Variants in LY86 observed in about 807,000 individuals in gnomAD.
The protein encoded by LY86 is lymphocyte antigen 86, also known as MD-1, RP105-associated.
In LY86, 20 loss-of-function variants were observed where a neutral mutation model predicts 17.3. The observed-to-expected ratio is 1.15, with a 90% CI of 0.81 to 1.68. The LOEUF is 1.68. Among genes scored for constraint, LY86 ranks in the 40% most tolerant of loss-of-function variants. The pLI is 0.00. For missense variants in LY86, 200 were observed against 191.9 expected (o/e 1.04, Z -0.25); for synonymous variants, 74 against 70.6 (o/e 1.05, Z -0.24).
intron 1 of LY86, among the ~76,000 whole-genome samples, chr6:6,603,698 C>T (rs1457240868): frequency 2.0e-5 from 3 of 149,726 alleles, no homozygotes; most frequent in South Asian, 2.1e-4. Context: ...CCACAGAAAA[C>T]GTGTCAATGT....
chr6:6,627,484 C>T (rs578130285), intron 3 of LY86, among the ~76,000 whole-genome samples: 1 of 152,200 alleles, frequency 6.6e-6, no homozygotes, highest in East Asian at 1.9e-4. Context: ...CCCTCGCCAT[C>T]CCTCCCGAGT....
chr6:6,612,504 T>A (rs939761130), intron 1 of LY86, among the ~76,000 whole-genome samples: 2 of 142,512 alleles, frequency 1.4e-5, no homozygotes, highest in Non-Finnish European at 3.0e-5. Context: ...CAAAAACACT[T>A]ACTGCAAAAA....
At chr6:6,588,956 G>T in intron 1 of LY86, 86 bp downstream of exon 1, 1 of 1,451,086 alleles carries the variant, frequency 6.9e-7, no homozygotes, top group South Asian at 1.3e-5. Context: ...TGGAGTTGGG[G>T]TGGGAGGGGA....
At chr6:6,632,233 G>C (rs960457519) in intron 3 of LY86, among the ~76,000 whole-genome samples, 1 of 152,204 alleles carries the variant, frequency 6.6e-6, no homozygotes, top group African/African-American at 2.4e-5. Context: ...AGTGGCAGCT[G>C]GCAGGAGGAA....
At chr6:6,626,468 T>G (rs753511892) in intron 3 of LY86, 47 bp downstream of exon 3, 3 of 1,606,004 alleles carry the variant, frequency 1.9e-6, no homozygotes, top group South Asian at 1.1e-5. Context: ...TGCAGAGAGA[T>G]AAACTCGAAC....
At chr6:6,607,306 T>C (rs776522317) in intron 1 of LY86, among the ~76,000 whole-genome samples, 5 of 152,212 alleles carry the variant, frequency 3.3e-5, no homozygotes, top group Non-Finnish European at 2.9e-5. Context: ...GATGGGAAAT[T>C]CACTGTCATG....
chr6:6,647,582 T>G (rs901470951), intron 3 of LY86, among the ~76,000 whole-genome samples: 26 of 152,186 alleles, frequency 1.7e-4, no homozygotes, highest in Non-Finnish European at 3.4e-4. Context: ...ACTCAGACTC[T>G]CAGCAGCAGC....
chr6:6,639,426 C>A (rs1453773490), intron 3 of LY86, among the ~76,000 whole-genome samples: 1 of 152,226 alleles, frequency 6.6e-6, no homozygotes, highest in Non-Finnish European at 1.5e-5. Context: ...TGTAACAAAT[C>A]ACCATAAACG....
intron 1 of LY86, among the ~76,000 whole-genome samples, chr6:6,612,737 C>T (rs1761417282): frequency 6.6e-6 from 1 of 152,194 alleles, no homozygotes; most frequent in Admixed American, 6.5e-5. Context: ...CAAAAGTTCT[C>T]CAGTTCCCCA....
chr6:6,606,456 C>T (rs1411540250), intron 1 of LY86, among the ~76,000 whole-genome samples: 1 of 152,210 alleles, frequency 6.6e-6, no homozygotes, highest in African/African-American at 2.4e-5. Context: ...CCTGCCAGTC[C>T]CACACCGCGC....
chr6:6,612,119 A>T (rs1217697727), intron 1 of LY86, among the ~76,000 whole-genome samples: 1 of 152,210 alleles, frequency 6.6e-6, no homozygotes, highest in East Asian at 1.9e-4. Context: ...TATTTCCAAA[A>T]ATCAGCTCAA....
chr6:6,593,462 T>C (rs9502478), intron 1 of LY86, among the ~76,000 whole-genome samples: 112,644 of 152,146 alleles, frequency 0.74, 42,884 homozygotes, highest in Non-Finnish European at 0.83. Context: ...GTAGACATCT[T>C]TGGGGACCAT....
intron 1 of LY86, among the ~76,000 whole-genome samples, chr6:6,605,041 A>AT (rs1554123726): frequency 7.4e-6 from 1 of 134,294 alleles, no homozygotes; most frequent in Non-Finnish European, 1.7e-5. Flanking sequence ...AGAAAAAAAA[A>AT]TCTAGAGTGT....
chr6:6,591,643 G>T (rs551207870), intron 1 of LY86, among the ~76,000 whole-genome samples: 2 of 152,200 alleles, frequency 1.3e-5, no homozygotes, highest in African/African-American at 4.8e-5. Flanking sequence ...TATGACTAGT[G>T]AACTTTTCCA....
intron 2 of LY86, among the ~76,000 whole-genome samples, chr6:6,626,025 A>T (rs897929964): frequency 6.6e-6 from 1 of 152,216 alleles, no homozygotes; most frequent in Non-Finnish European, 1.5e-5. Flanking sequence ...AGGCCATAGC[A>T]TCAGGGTGGG....
chr6:6,653,171 T>C (rs1042915664), intron 4 of LY86, among the ~76,000 whole-genome samples: 7 of 152,216 alleles, frequency 4.6e-5, no homozygotes, highest in African/African-American at 1.7e-4. Flanking sequence ...AGCCTGGTTC[T>C]CTTGAATACA....
chr6:6,626,555 T>C (rs1761792927), intron 3 of LY86, 134 bp downstream of exon 3: 1 of 914,620 alleles, frequency 1.1e-6, no homozygotes, highest in African/African-American at 1.7e-5. Flanking sequence ...TCCTCACTTA[T>C]CAGCATGTGT....
chr6:6,618,295 T>C (rs530526927), intron 1 of LY86, among the ~76,000 whole-genome samples: 30 of 152,342 alleles, frequency 2.0e-4, no homozygotes, highest in African/African-American at 6.0e-4. Flanking sequence ...TATATCATGA[T>C]AGAAAAGCCA....
At chr6:6,640,525 G>A (rs775695165) in intron 3 of LY86, among the ~76,000 whole-genome samples, 23 of 152,006 alleles carry the variant, frequency 1.5e-4, no homozygotes, top group Non-Finnish European at 2.9e-4. Flanking sequence ...TTTGAGACCA[G>A]ACTGGGCAAC....
Sources: gnomAD v4.1 joint callset for allele counts (sites outside exome capture counted in the v4.1 genomes callset) on GRCh38, gnomAD v4.1.1 for gene constraint, MANE v1.5 for transcripts, NCBI Gene and HGNC (gene_info 2026-07-23, HGNC 2026-07-21) for gene names.